The following TAFA1 variants were observed in gnomAD, a reference collection of about 807,000 sequenced individuals.
TAFA1 encodes TAFA chemokine like family member 1, also known as chemokine-like protein TAFA-1.
In TAFA1, 4 loss-of-function variants were observed where a neutral mutation model predicts 18.5. That is an observed-to-expected ratio of 0.22 (90% CI 0.11 to 0.49). The LOEUF is 0.49. Ranked by LOEUF, TAFA1 falls within the 20% of genes least tolerant of loss-of-function variation. The pLI is 0.98. For synonymous variants in TAFA1, 56 were observed against 55.2 expected (o/e 1.01, Z -0.06); for missense variants, 147 against 169.0 (o/e 0.87, Z 0.72).
At chr3:68,122,122 T>C (rs1329653262) in intron 2 of TAFA1, among the ~76,000 whole-genome samples, 1 of 152,122 alleles carries the variant, frequency 6.6e-6, no homozygotes, top group Non-Finnish European at 1.5e-5. Flanking sequence ...TCAAACCTCA[T>C]TCTGTCTAAC....
In TAFA1 at chr3:68,314,635, C is replaced by T. The variant is rs567423963; in HGVS notation, c.119-102645C>T. ...GATGGCTACTAGTCAATGAATAAGTCGCCTTTTCACTGATACTAGTGCTTT... is the reference window on the plus strand; with the variant it reads ...GATGGCTACTAGTCAATGAATAAGTTGCCTTTTCACTGATACTAGTGCTTT... On this transcript the variant is annotated intron_variant, in intron 2 of 4. Transcript: ENST00000478136. Among the ~76,000 whole-genome samples, 99 of 152,240 alleles carry T rather than the reference C, an allele frequency of 6.5e-4. 1 individual carries two copies. The highest frequency in any genetic ancestry group is 2.1e-3 in the African/African-American group (87 of 41,580).
intron 3 of TAFA1, among the ~76,000 whole-genome samples, chr3:68,448,652 C>G (rs1025247501): frequency 1.3e-5 from 2 of 151,652 alleles, no homozygotes; most frequent in African/African-American, 4.8e-5. Context: ...GTGGGTCTAT[C>G]CACTGAAACT....
At chr3:68,305,564 A>AATC (rs1033353581) in intron 2 of TAFA1, among the ~76,000 whole-genome samples, 6 of 150,522 alleles carry the variant, frequency 4.0e-5, no homozygotes, top group African/African-American at 1.5e-4. Flanking sequence ...CTAGAGTAGT[A>AATC]ATCATTTTAG....
intron 2 of TAFA1, among the ~76,000 whole-genome samples, chr3:68,327,365 G>C (rs2068793388): frequency 6.6e-6 from 1 of 152,060 alleles, no homozygotes; most frequent in Non-Finnish European, 1.5e-5. Flanking sequence ...AGTTCTAGCA[G>C]AGTTTTGTAA....
At chr3:68,089,662 C>T (rs538708241) in intron 2 of TAFA1, among the ~76,000 whole-genome samples, 1 of 152,248 alleles carries the variant, frequency 6.6e-6, no homozygotes, top group African/African-American at 2.4e-5. Flanking sequence ...CAACTCCAAT[C>T]TTTGTGGTTG....
At chr3:68,357,745 C>G (rs1399546427) in intron 2 of TAFA1, among the ~76,000 whole-genome samples, 1 of 151,940 alleles carries the variant, frequency 6.6e-6, no homozygotes, top group Non-Finnish European at 1.5e-5. Flanking sequence ...TAAGGGTGGA[C>G]TGACAGGGCA....
intron 2 of TAFA1, among the ~76,000 whole-genome samples, chr3:68,405,680 A>G (rs1263495926): frequency 7.8e-6 from 1 of 127,848 alleles, no homozygotes; most frequent in African/African-American, 2.9e-5. Context: ...AACCTAGGCA[A>G]TGGAGTGAGA....
At chr3:68,020,409 T>C (rs1024695613) in intron 2 of TAFA1, among the ~76,000 whole-genome samples, 7 of 152,084 alleles carry the variant, frequency 4.6e-5, no homozygotes, top group African/African-American at 1.7e-4. Flanking sequence ...GCCTCACCCA[T>C]AGAGTGGGGG....
At chr3:68,026,586 A>C in intron 2 of TAFA1, among the ~76,000 whole-genome samples, 1 of 152,090 alleles carries the variant, frequency 6.6e-6, no homozygotes, top group Middle Eastern at 3.2e-3. Context: ...AACCCTGACA[A>C]TGACCTGAGG....
chr3:68,365,258 A>G (rs530831307), intron 2 of TAFA1, among the ~76,000 whole-genome samples: 1 of 152,340 alleles, frequency 6.6e-6, no homozygotes, highest in South Asian at 2.1e-4. Context: ...CACAGACAGT[A>G]AATGATAGAT....
chr3:68,443,869 G>T (rs148225067), intron 3 of TAFA1, among the ~76,000 whole-genome samples: 29 of 152,130 alleles, frequency 1.9e-4, no homozygotes, highest in South Asian at 1.7e-3. Context: ...ATCCCTCACC[G>T]CATCCCAAAT....
At chr3:68,395,849 A>C (rs1369313622) in intron 2 of TAFA1, among the ~76,000 whole-genome samples, 2 of 152,108 alleles carry the variant, frequency 1.3e-5, no homozygotes, top group Non-Finnish European at 2.9e-5. Context: ...AGAAATACCT[A>C]ATGTAGATGA....
At chr3:68,074,022 G>A (rs1210189548) in intron 2 of TAFA1, among the ~76,000 whole-genome samples, 1 of 152,104 alleles carries the variant, frequency 6.6e-6, no homozygotes, top group Non-Finnish European at 1.5e-5. Context: ...ACCATAATGT[G>A]GAATCAGTGG....
intron 2 of TAFA1, among the ~76,000 whole-genome samples, chr3:68,199,799 A>G (rs367563598): frequency 3.6e-4 from 54 of 151,466 alleles, no homozygotes; most frequent in African/African-American, 1.3e-3. Context: ...GAGAACAAAG[A>G]GTTTTATTTC....
chr3:68,480,669 G>T (rs1293438015), intron 3 of TAFA1, among the ~76,000 whole-genome samples: 2 of 152,114 alleles, frequency 1.3e-5, no homozygotes, highest in Non-Finnish European at 2.9e-5. Flanking sequence ...CAAAGAGTAG[G>T]CCAGAAATCC....
chr3:68,416,088 C>T (rs1184356663), intron 2 of TAFA1, among the ~76,000 whole-genome samples: 4 of 152,080 alleles, frequency 2.6e-5, no homozygotes, highest in Admixed American at 6.6e-5. Flanking sequence ...CCAGTGATGA[C>T]AATCAGAAAT....
At chr3:67,993,566 C>A in the TAFA1 span, among the ~76,000 whole-genome samples, 1 of 152,124 alleles carries the variant, frequency 6.6e-6, no homozygotes, top group East Asian at 1.9e-4. Context: ...CTGAAAATTC[C>A]TAATGTGCAA....
chr3:68,100,457 G>C (rs918307929), intron 2 of TAFA1, among the ~76,000 whole-genome samples: 1 of 152,144 alleles, frequency 6.6e-6, no homozygotes, highest in East Asian at 1.9e-4. Flanking sequence ...CTGGGCAACA[G>C]AGGGTGTTGG....
chr3:68,372,034 A>C (rs1439522006), intron 2 of TAFA1, among the ~76,000 whole-genome samples: 1 of 152,216 alleles, frequency 6.6e-6, no homozygotes, highest in Middle Eastern at 3.2e-3. Context: ...TAATGGGCCA[A>C]ACTTTGTAGG....
Sources: gnomAD v4.1 joint callset for allele counts (sites outside exome capture counted in the v4.1 genomes callset) on GRCh38, gnomAD v4.1.1 for gene constraint, MANE v1.5 for transcripts, NCBI Gene and HGNC (gene_info 2026-07-23, HGNC 2026-07-21) for gene names.